The following MAP3K4 variants were observed in gnomAD, a reference collection of about 807,000 sequenced individuals.
MAP3K4 encodes the protein MAP three kinase 1.
Under a neutral mutation model 185.6 loss-of-function variants are expected in MAP3K4, and 67 were observed. That is an observed-to-expected ratio of 0.36 (90% CI 0.30 to 0.44). The LOEUF is 0.44. MAP3K4 is among the 20% of genes least tolerant of loss of function. The pLI is 1.00. For synonymous variants in MAP3K4, 702 were observed against 710.4 expected (o/e 0.99, Z 0.19); for missense variants, 1,551 against 1,995.1 (o/e 0.78, Z 4.24).
At chr6:160,997,646 G>A (rs537576741) in intron 1 of MAP3K4, among the ~76,000 whole-genome samples, 10 of 152,288 alleles carry the variant, frequency 6.6e-5, no homozygotes, top group Non-Finnish European at 1.2e-4. Context: ...GCCAAAATTT[G>A]AGGTAGTTTT....
Position 161,091,862 on chromosome 6 carries a change from C to A in MAP3K4, c.3136-148C>A. 1 of 687,924 alleles carries A rather than the reference C, an allele frequency of 1.5e-6. No homozygotes were observed. Among genetic ancestry groups the A allele is most frequent in the Non-Finnish European group, 2.4e-6 (1 of 420,652 alleles). 42.6% of individuals were successfully genotyped at this position (687,924 alleles called of 1,614,324 possible). A position where few individuals can be genotyped will look rare whatever the true frequency, so the allele number is the denominator to read the frequency against. ...CTGCATTTTGAAACACTGTACTTTC[C>A]ATAATTCTTCATACTATTCAAAATA... On this transcript the variant is annotated intron_variant, in intron 12 of 26. Transcript: ENST00000392142. The surrounding 1 kb of genome is among the most constrained non-coding windows in gnomAD (Gnocchi z 5.5).
At position 161,064,487 on chromosome 6, in the gene MAP3K4, G is replaced by A. The variant is rs1394695962; in HGVS notation, c.1708-6121G>A. On this transcript the variant is annotated intron_variant, in intron 3 of 26. Coordinates refer to ENST00000392142, the MANE Select transcript of MAP3K4 (RefSeq NM_005922.4). The surrounding 1 kb of genome is among the most constrained non-coding windows in gnomAD (Gnocchi z 4.3). ...TTTTACATTAAATTCTAGATAATTG[G>A]GTATGTTTCTGTGTTCTGATCTGTT... Among the ~76,000 whole-genome samples, 1 of 151,506 alleles carries A rather than the reference G, an allele frequency of 6.6e-6. No individual in the cohort carries two copies. The highest frequency in any genetic ancestry group is 2.4e-5 in the African/African-American group (1 of 41,188).
In MAP3K4 at chr6:161,075,074, A is replaced by G. The variant is rs1461157705; in HGVS notation, c.2097+1462A>G. 6.6e-6 allele frequency among the ~76,000 whole-genome samples: 1 copy of G among 152,260 alleles called. No homozygotes were observed. The highest frequency in any genetic ancestry group is 2.4e-5 in the African/African-American group (1 of 41,470). ...GACATATTATATCTGGCATATTGCA[A>G]GAAATCATTTTAATGAGTTAGAAGT... On this transcript the variant is annotated intron_variant, in intron 5 of 26. Coordinates refer to ENST00000392142, the MANE Select transcript of MAP3K4 (RefSeq NM_005922.4). This position sits in a 1 kb window ranked among gnomAD's most constrained non-coding sequence, Gnocchi z 4.3.
At chr6:161,036,460 T>C (rs1030732720) in intron 2 of MAP3K4, among the ~76,000 whole-genome samples, 2 of 152,248 alleles carry the variant, frequency 1.3e-5, no homozygotes, top group Non-Finnish European at 1.5e-5. Flanking sequence ...AAAAGTAGCT[T>C]CTTTTACCAT....
chr6:161,050,812 A>C (rs2114765947), intron 3 of MAP3K4, among the ~76,000 whole-genome samples: 1 of 152,320 alleles, frequency 6.6e-6, no homozygotes, highest in African/African-American at 2.4e-5. Flanking sequence ...AGTGAAACCC[A>C]AATCTTTGAA....
At chr6:161,068,300 A>T (rs4709488) in intron 3 of MAP3K4, among the ~76,000 whole-genome samples, 102,338 of 152,036 alleles carry the variant, frequency 0.67, 35,491 homozygotes, top group Admixed American at 0.76. Context: ...GCAATCACAG[A>T]AAACTTCATA....
rs1569937 is a variant in MAP3K4 at position 161,112,295 on chromosome 6, C to T, written c.4519+337C>T. ...GGCTTACCCCGAATCACTCAGCATA[C>T]ACCAGTCTCGTTGGCTGCCTGCCTG... is the stretch of plus-strand genomic sequence containing the variant. On this transcript the variant is annotated intron_variant, in intron 24 of 26. Transcript: ENST00000392142. The surrounding 1 kb of genome is among the most constrained non-coding windows in gnomAD (Gnocchi z 5.1). Among the ~76,000 whole-genome samples the T allele has an allele frequency of 0.76, 115,711 of 152,056 alleles. 44,829 individuals are homozygous for T. Among genetic ancestry groups the T allele is most frequent in the East Asian group, 0.97 (5,015 of 5,170 alleles).
rs1785853559 is a variant in MAP3K4, at chr6:161,088,496, T to A, written c.2823+542T>A. Among the ~76,000 whole-genome samples the A allele has an allele frequency of 6.6e-6, 1 of 152,190 alleles. No individual in the cohort carries two copies. Among genetic ancestry groups the A allele is most frequent in the Admixed American group, 6.5e-5 (1 of 15,278 alleles). On this transcript the variant is annotated intron_variant, in intron 10 of 26. Transcript: ENST00000392142. The surrounding 1 kb of genome is among the most constrained non-coding windows in gnomAD (Gnocchi z 4.5). ...AGCTCAGCCTCACCAGAACTGAGTA[T>A]ACACTGGCCTGCTGTATCCCTCACC... is the stretch of plus-strand genomic sequence containing the variant.
chr6:161,070,700 G>A lies in MAP3K4; in HGVS notation c.1800G>A (p.Ser600=), dbSNP rs143597315. 19 of 1,613,986 alleles carry A rather than the reference G, an allele frequency of 1.2e-5. No homozygotes were observed. The highest frequency in any genetic ancestry group is 6.7e-5 in the African/African-American group (5 of 74,904). The change falls in exon 4 of 27, where the codon TCG becomes TCA. Residue 600 remains serine (S), a synonymous_variant. Coordinates refer to ENST00000392142, the MANE Select transcript of MAP3K4 (RefSeq NM_005922.4). This position sits in a 1 kb window ranked among gnomAD's most constrained non-coding sequence, Gnocchi z 4.5. The part of the protein sequence containing the change: ...PSSEEKCSAV[S]WEELKAMDLP... ...CTGAGGAGAAATGCAGTGCTGTGTCGTGGGAGGAGCTGAAGGCCATGGATT... is the reference window on the plus strand; with the variant it reads ...CTGAGGAGAAATGCAGTGCTGTGTCATGGGAGGAGCTGAAGGCCATGGATT...
rs1223573951 is a variant in MAP3K4, at chr6:161,070,802, A to G, written c.1902A>G (p.Arg634=). ...TCATACATGAGTGTCTGAAGTTAAGATTGGAGCAGAGACCTGCTGGAGAAC... is the reference window on the plus strand; with the variant it reads ...TCATACATGAGTGTCTGAAGTTAAGGTTGGAGCAGAGACCTGCTGGAGAAC... ...LNVIHECLKL[R]LEQRPAGEPS... is the part of the protein sequence containing the mutation. The change falls in exon 4 of 27, where the codon AGA becomes AGG. Residue 634 remains arginine, a synonymous_variant. Transcript: ENST00000392142. This position sits in a 1 kb window ranked among gnomAD's most constrained non-coding sequence, Gnocchi z 4.5. 8.7e-6 allele frequency: 14 copies of G among 1,613,864 alleles called. No individual in the cohort carries two copies. The highest frequency in any genetic ancestry group is 1.2e-5 in the Non-Finnish European group (14 of 1,179,974).
chr6:161,048,796 C>CA lies in MAP3K4; in HGVS notation c.531dup (p.Ser178IlefsTer9), dbSNP rs750651844. 1 of 1,613,948 alleles carries CA rather than the reference C, an allele frequency of 6.2e-7. No homozygotes were observed. The highest frequency in any genetic ancestry group is 1.7e-5 in the Admixed American group (1 of 59,990). ...TTAGACTCAGTGGGTGGATCTTTGC[C>CA]AAAAAAATCAATTCCAGATGTGGAT... On this transcript the variant is annotated frameshift_variant, in exon 3 of 27. Transcript: ENST00000392142. LOFTEE classifies it high-confidence loss of function. This position sits in a 1 kb window ranked among gnomAD's most constrained non-coding sequence, Gnocchi z 4.7.
rs1001879481 is a variant in MAP3K4, at chr6:161,099,198, G to C, written c.3674+771G>C. 7.2e-5 allele frequency among the ~76,000 whole-genome samples: 11 copies of C among 152,306 alleles called. No homozygotes were observed. In the East Asian group the frequency reaches 1.9e-3, roughly 27 times the overall value. On this transcript the variant is annotated intron_variant, in intron 17 of 26. Coordinates refer to ENST00000392142, the MANE Select transcript of MAP3K4 (RefSeq NM_005922.4). ...AAGTCAAACCAAACTATGTAGATTG[G>C]GGGTATGTGATCTAAAAAGATCAAC...
intron 1 of MAP3K4, among the ~76,000 whole-genome samples, chr6:160,993,898 A>C (rs1780868272): frequency 2.0e-5 from 3 of 152,178 alleles, no homozygotes; most frequent in Non-Finnish European, 2.9e-5. Context: ...TTTACAATAG[A>C]AAAATCTGTA....
chr6:161,019,059 C>G (rs1335170769), intron 1 of MAP3K4, among the ~76,000 whole-genome samples: 1 of 152,154 alleles, frequency 6.6e-6, no homozygotes, highest in Non-Finnish European at 1.5e-5. Flanking sequence ...GGAATAGTGT[C>G]AGGCGGTTAG....
intron 1 of MAP3K4, among the ~76,000 whole-genome samples, chr6:161,030,803 T>G (rs1181454494): frequency 2.0e-5 from 3 of 152,210 alleles, no homozygotes; most frequent in East Asian, 3.8e-4. Context: ...TAAATACTGT[T>G]GGATTTTGTT....
rs1245862349 is a variant in MAP3K4 at position 161,101,661 on chromosome 6, G to A, written c.3675-231G>A. The stretch of plus-strand genomic sequence containing the variant: ...TCCAGAGGACGGTCTCCACAGCAGC[G>A]CTGTTCACTTAGGGGGCTGATTCTG... On this transcript the variant is annotated intron_variant, in intron 17 of 26. Coordinates refer to ENST00000392142, the MANE Select transcript of MAP3K4 (RefSeq NM_005922.4). The surrounding 1 kb of genome is among the most constrained non-coding windows in gnomAD (Gnocchi z 5.1). The A allele has an allele frequency of 1.8e-5, 8 of 449,868 alleles. No homozygotes were observed. The highest frequency in any genetic ancestry group is 2.8e-5 in the Non-Finnish European group (7 of 248,198). The allele number at this position is 449,868 out of a possible 1,614,324, so 27.9% of individuals were successfully genotyped here.
chr6:160,996,619 A>G lies in MAP3K4; in HGVS notation c.152+4536A>G, dbSNP rs80121872. 0.047 allele frequency among the ~76,000 whole-genome samples: 7,130 copies of G among 152,244 alleles called. 211 individuals carry two copies. Among genetic ancestry groups the G allele is most frequent in the Non-Finnish European group, 0.055 (3,774 of 68,024 alleles). On this transcript the variant is annotated intron_variant, in intron 1 of 26. Coordinates refer to ENST00000392142, the MANE Select transcript of MAP3K4 (RefSeq NM_005922.4). The surrounding 1 kb of genome is among the most constrained non-coding windows in gnomAD (Gnocchi z 4.5). Reference sequence around the variant, plus strand: ...CGTTGCCTATCAGTAGGCTACTGGTAGTGGTTTCTTTAAAGAGAAAATGGA... The same window carrying G: ...CGTTGCCTATCAGTAGGCTACTGGTGGTGGTTTCTTTAAAGAGAAAATGGA...
chr6:161,070,949 C>A lies in MAP3K4; in HGVS notation c.1950+99C>A. ...GAGTTCCTTTTTTTTTCTTAATTGT[C>A]GCAAATAGTGAAAAATGACTGTTTG... On this transcript the variant is annotated intron_variant, in intron 4 of 26. Transcript: ENST00000392142. The surrounding 1 kb of genome is among the most constrained non-coding windows in gnomAD (Gnocchi z 4.5). The A allele has an allele frequency of 8.9e-7, 1 of 1,127,100 alleles. No homozygotes were observed. The highest frequency in any genetic ancestry group is 1.2e-6 in the Non-Finnish European group (1 of 824,158). 69.8% of individuals were successfully genotyped at this position (1,127,100 alleles called of 1,614,324 possible). A position where few individuals can be genotyped will look rare whatever the true frequency, so the allele number is the denominator to read the frequency against.
At position 161,116,113 on chromosome 6, in the gene MAP3K4, G is replaced by A. The variant is rs1034247701; in HGVS notation, c.4807-737G>A. Among the ~76,000 whole-genome samples the A allele has an allele frequency of 6.6e-6, 1 of 152,134 alleles. No individual in the cohort carries two copies. Among genetic ancestry groups the A allele is most frequent in the African/African-American group, 2.4e-5 (1 of 41,438 alleles). ...CTGATTGGATGTGAAAGGTGAGTGA[G>A]GGGAGGAGTCTAGAGTGGCTCCCAG... On this transcript the variant is annotated intron_variant, in intron 26 of 26. Coordinates refer to ENST00000392142, the MANE Select transcript of MAP3K4 (RefSeq NM_005922.4). This position sits in a 1 kb window ranked among gnomAD's most constrained non-coding sequence, Gnocchi z 6.2.
Sources: allele counts gnomAD v4.1 joint callset (sites outside exome capture counted in the v4.1 genomes callset), GRCh38; gene constraint gnomAD v4.1.1; non-coding constraint Gnocchi (gnomAD v3.1); transcripts MANE v1.5; gene names NCBI Gene and HGNC (gene_info 2026-07-23, HGNC 2026-07-21).